The following CKAP5 variants were observed in gnomAD, a reference collection of about 807,000 sequenced individuals.
CKAP5 encodes cytoskeleton-associated protein 5.
Under a neutral mutation model 232.8 loss-of-function variants are expected in CKAP5, and 27 were observed. The ratio of observed to expected loss-of-function variants is 0.12; its 90% confidence interval spans 0.09 to 0.16. The LOEUF (loss-of-function observed/expected upper bound fraction) is 0.16. Among genes scored for constraint, CKAP5 ranks in the 10% least tolerant of loss-of-function variants. The pLI, the probability that CKAP5 is intolerant of heterozygous loss-of-function variation, is 1.00. For synonymous variants in CKAP5, 785 were observed against 841.1 expected (o/e 0.93, Z 1.16); for missense variants, 1,838 against 2,424.7 (o/e 0.76, Z 5.08).
chr11:46,782,426 C>A (rs1403877917), intron 18 of CKAP5, among the ~76,000 whole-genome samples: 2 of 151,886 alleles, frequency 1.3e-5, no homozygotes, highest in Admixed American at 6.6e-5. Flanking sequence ...ATAACAATAC[C>A]CTCAACTATG....
At chr11:46,790,713 G>T (rs1040025049) in intron 13 of CKAP5, 130 bp from the exon 14 acceptor site, 10 of 635,820 alleles carry the variant, frequency 1.6e-5, no homozygotes, top group Non-Finnish European at 2.7e-5. Flanking sequence ...CACAAGCTCA[G>T]CTTGCTACAG....
At chr11:46,753,814 G>A (rs965167005) in intron 36 of CKAP5, among the ~76,000 whole-genome samples, 17 of 151,512 alleles carry the variant, frequency 1.1e-4, no homozygotes, top group Admixed American at 6.6e-4. Context: ...GGATGGTCTC[G>A]ATCTCCTGAC....
At chr11:46,749,914 T>C (rs1262622152) in intron 42 of CKAP5, among the ~76,000 whole-genome samples, 3 of 124,402 alleles carry the variant, frequency 2.4e-5, no homozygotes, top group Non-Finnish European at 4.9e-5. Context: ...GCAACAAGAG[T>C]GAAACTCCAT....
rs774289391 is a variant in CKAP5 at position 46,744,409 on chromosome 11, A to T, written c.5856+17T>A. 1.2e-6 allele frequency: 2 copies of T among 1,614,100 alleles called. No individual in the cohort carries two copies. The highest frequency in any genetic ancestry group is 1.7e-6 in the Non-Finnish European group (2 of 1,180,002). On this transcript the variant is annotated intron_variant, in intron 43 of 43. Transcript: ENST00000529230. ...TGACTACCCTCCCTGAACTGCACAGAAGAAAAGGAGCAGTACCTTTGTGTT... is the reference window on the plus strand; with the variant it reads ...TGACTACCCTCCCTGAACTGCACAGTAGAAAAGGAGCAGTACCTTTGTGTT...
chr11:46,808,014 C>T lies in CKAP5; in HGVS notation c.978+17G>A, dbSNP rs763163689. On this transcript the variant is annotated intron_variant, in intron 8 of 43. Transcript: ENST00000529230. ...GATGGCTGTTACAATACCAGTACTGCAAGTCCTCATATTTACCTTCTTTAA... is the reference window on the plus strand; with the variant it reads ...GATGGCTGTTACAATACCAGTACTGTAAGTCCTCATATTTACCTTCTTTAA... The T allele has an allele frequency of 1.3e-6, 2 of 1,573,612 alleles. No individual in the cohort carries two copies. Among genetic ancestry groups the T allele is most frequent in the South Asian group, 2.2e-5 (2 of 89,916 alleles).
chr11:46,839,110 T>C (rs1174781826), intron 1 of CKAP5, among the ~76,000 whole-genome samples: 1 of 152,166 alleles, frequency 6.6e-6, no homozygotes, highest in Non-Finnish European at 1.5e-5. Flanking sequence ...AATAAACAAT[T>C]ACATAACAAT....
At chr11:46,819,598 T>C (rs547006616) in intron 2 of CKAP5, among the ~76,000 whole-genome samples, 239 of 152,258 alleles carry the variant, frequency 1.6e-3, no homozygotes, top group Admixed American at 2.5e-3. Flanking sequence ...CAACATATGA[T>C]TGAAAAACAG....
At chr11:46,822,263 A>G (rs1386846933) in intron 1 of CKAP5, among the ~76,000 whole-genome samples, 1 of 152,164 alleles carries the variant, frequency 6.6e-6, no homozygotes, top group African/African-American at 2.4e-5. Context: ...CATGGGCAAC[A>G]GAGCAAGACC....
At chr11:46,843,391 A>G (rs1940106205) in intron 1 of CKAP5, among the ~76,000 whole-genome samples, 1 of 152,100 alleles carries the variant, frequency 6.6e-6, no homozygotes, top group African/African-American at 2.4e-5. Context: ...CCCCAGGTAC[A>G]GTAGTACCAA....
At chr11:46,746,515 T>G (rs1478107053) in intron 42 of CKAP5, among the ~76,000 whole-genome samples, 1 of 152,262 alleles carries the variant, frequency 6.6e-6, no homozygotes, top group East Asian at 1.9e-4. Context: ...GCCACACACC[T>G]AGGCTACAAG....
chr11:46,795,626 G>A lies in CKAP5; in HGVS notation c.1618C>T (p.Pro540Ser). 1 of 1,613,876 alleles carries A rather than the reference G, an allele frequency of 6.2e-7. No homozygotes were observed. Among genetic ancestry groups the A allele is most frequent in the Non-Finnish European group, 8.5e-7 (1 of 1,179,884 alleles). The stretch of plus-strand genomic sequence containing the variant: ...GCAGGTGCCTTTTTTAGAGGTCCTG[G>A]TTTGGGTGCAGAAATGTCCTTTGTG... The part of the protein sequence containing the change: ...KDTKDISAPK[P>S]GPLKKAPAAK... Residue 540 changes from proline (P) to serine (S), a missense_variant, in exon 13 of 44, where the codon CCA (proline) becomes TCA (serine). This residue lies in a region of CKAP5 where 767 missense variants were observed against 954.6 expected (regional missense o/e 0.80). Coordinates refer to ENST00000529230, the MANE Select transcript of CKAP5 (RefSeq NM_001008938.4).
intron 1 of CKAP5, among the ~76,000 whole-genome samples, chr11:46,830,839 C>T (rs1051023089): frequency 6.6e-6 from 1 of 152,002 alleles, no homozygotes; most frequent in Non-Finnish European, 1.5e-5. Context: ...AAGGTGGGGG[C>T]GGATCACGAG....
At position 46,745,371 on chromosome 11, in the gene CKAP5, A is replaced by C. The variant is rs548884036; in HGVS notation, c.5705-794T>G. On this transcript the variant is annotated intron_variant, in intron 42 of 43. Coordinates refer to ENST00000529230, the MANE Select transcript of CKAP5 (RefSeq NM_001008938.4). ...TGAGGAGAATCCTCTGAGGGGGTGA[A>C]AAATGAATGAAGAATTATGTAAAAG... Among the ~76,000 whole-genome samples, 103 of 152,348 alleles carry C rather than the reference A, an allele frequency of 6.8e-4. 1 individual carries two copies. Among genetic ancestry groups the C allele is most frequent in the Non-Finnish European group, 1.4e-3 (96 of 68,034 alleles).
intron 1 of CKAP5, among the ~76,000 whole-genome samples, chr11:46,829,611 T>C (rs1197899527): frequency 2.6e-5 from 4 of 152,238 alleles, no homozygotes; most frequent in African/African-American, 9.6e-5. Context: ...ATAATACATA[T>C]ACAAAATATG....
At chr11:46,787,844 A>T (rs1321567871) in intron 16 of CKAP5, among the ~76,000 whole-genome samples, 1 of 152,184 alleles carries the variant, frequency 6.6e-6, no homozygotes, top group Non-Finnish European at 1.5e-5. Context: ...AGATCCACTT[A>T]TGCATGAATT....
chr11:46,825,723 G>GA (rs1285636751), intron 1 of CKAP5, among the ~76,000 whole-genome samples: 3 of 150,230 alleles, frequency 2.0e-5, no homozygotes, highest in African/African-American at 7.4e-5. Flanking sequence ...CAACCCATTT[G>GA]AATGACCACT....
rs568030525 is a variant in CKAP5, at chr11:46,782,513, C to T, written c.2249+761G>A. Among the ~76,000 whole-genome samples, 14 of 152,138 alleles carry T rather than the reference C, an allele frequency of 9.2e-5. No individual in the cohort carries two copies. The South Asian group carries it at 2.7e-3, about 29-fold the overall frequency. On this transcript the variant is annotated intron_variant, in intron 18 of 43. Transcript: ENST00000529230. ...ACTTCTAGAGTAGTGTTTTTTCAAT[C>T]AGTAGAACTCAAAATACCCTTTTAC...
intron 16 of CKAP5, among the ~76,000 whole-genome samples, chr11:46,787,100 G>C (rs912095312): frequency 1.3e-5 from 2 of 152,260 alleles, no homozygotes; most frequent in Non-Finnish European, 1.5e-5. Context: ...CAACACTGCA[G>C]TGAGCCACGT....
chr11:46,777,688 T>C, intron 22 of CKAP5, 136 bp from the exon 23 acceptor site: 1 of 598,808 alleles, frequency 1.7e-6, no homozygotes, highest in Non-Finnish European at 3.0e-6. Context: ...TGGCTTGTCA[T>C]GCTATTCGAC....
Sources: allele counts gnomAD v4.1 joint callset (sites outside exome capture counted in the v4.1 genomes callset), GRCh38; gene constraint gnomAD v4.1.1; regional missense constraint gnomAD v4.1.1; transcripts MANE v1.5; gene names NCBI Gene and HGNC (gene_info 2026-07-23, HGNC 2026-07-21).